NELL1: variants seen among roughly 807,000 people sequenced by gnomAD.
The protein encoded by NELL1 is neural EGFL like 1, also known as protein kinase C-binding protein NELL1.
NELL1 carries 76 observed loss-of-function variants against 107.4 expected under a neutral mutation model. The observed-to-expected ratio is 0.71, with a 90% CI of 0.59 to 0.86. The LOEUF (loss-of-function observed/expected upper bound fraction) is 0.86. Among genes scored for constraint, NELL1 ranks in the 40% least tolerant of loss-of-function variants. The probability of loss-of-function intolerance (pLI) is 0.00; values close to 1 mark genes in which losing one functional copy is unlikely to be tolerated. For missense variants in NELL1, 1,024 were observed against 1,005.5 expected (o/e 1.02, Z -0.25); for synonymous variants, 353 against 341.2 (o/e 1.03, Z -0.38).
chr11:21,381,107 T>G (rs149271375), intron 15 of NELL1, among the ~76,000 whole-genome samples: 2 of 152,164 alleles, frequency 1.3e-5, no homozygotes, highest in East Asian at 3.9e-4. Flanking sequence ...TACACTTTGC[T>G]TTATAATCTG....
At chr11:20,762,027 G>A (rs1476506074) in intron 2 of NELL1, among the ~76,000 whole-genome samples, 2 of 152,232 alleles carry the variant, frequency 1.3e-5, no homozygotes, top group Non-Finnish European at 2.9e-5. Flanking sequence ...ACCATCACAT[G>A]AGTGATTTTT....
intron 11 of NELL1, among the ~76,000 whole-genome samples, chr11:20,949,756 C>T (rs113027293): frequency 2.4e-4 from 37 of 152,116 alleles, no homozygotes; most frequent in African/African-American, 8.0e-4. Flanking sequence ...ACAAGGTTCC[C>T]GTTGCTAGCA....
intron 15 of NELL1, among the ~76,000 whole-genome samples, chr11:21,414,046 C>T (rs1197307494): frequency 6.6e-6 from 1 of 152,006 alleles, no homozygotes; most frequent in Non-Finnish European, 1.5e-5. Context: ...CACAAACTCA[C>T]CTAGAATTAA....
intron 14 of NELL1, chr11:21,284,689 A>G: frequency 8.2e-6 from 3 of 367,436 alleles, no homozygotes; most frequent in South Asian, 6.0e-5. Flanking sequence ...AACTATGTCT[A>G]TATGTATGCA....
chr11:20,701,050 T>C (rs2133880881), intron 2 of NELL1, among the ~76,000 whole-genome samples: 1 of 152,278 alleles, frequency 6.6e-6, no homozygotes, highest in East Asian at 1.9e-4. Flanking sequence ...GGTCAAATGG[T>C]ATTTCTAGTT....
chr11:20,802,729 G>A (rs1857304423), intron 3 of NELL1, among the ~76,000 whole-genome samples: 1 of 152,066 alleles, frequency 6.6e-6, no homozygotes, highest in African/African-American at 2.4e-5. Context: ...TTATTGTGTT[G>A]AGATAAATGT....
intron 3 of NELL1, among the ~76,000 whole-genome samples, chr11:20,818,180 G>A (rs544127409): frequency 8.3e-4 from 126 of 152,162 alleles, no homozygotes; most frequent in Middle Eastern, 6.8e-3. Flanking sequence ...ACTATCAGTG[G>A]AGTGAAGTCC....
At chr11:20,727,337 G>C (rs7110513) in intron 2 of NELL1, among the ~76,000 whole-genome samples, 20,009 of 152,124 alleles carry the variant, frequency 0.13, 1,423 homozygotes, top group Non-Finnish European at 0.15. Flanking sequence ...TTGCATTTCT[G>C]TGATTGCCAG....
At chr11:21,071,700 T>C (rs970549492) in intron 12 of NELL1, among the ~76,000 whole-genome samples, 3 of 152,154 alleles carry the variant, frequency 2.0e-5, no homozygotes, top group African/African-American at 7.2e-5. Context: ...GACTGTTGAG[T>C]GGCTCCTGGA....
chr11:21,540,774 C>T (rs1385295721), intron 16 of NELL1, among the ~76,000 whole-genome samples: 2 of 152,004 alleles, frequency 1.3e-5, no homozygotes, highest in African/African-American at 4.8e-5. Flanking sequence ...CCTACCAGGC[C>T]CCTCCTCCAA....
intron 4 of NELL1, among the ~76,000 whole-genome samples, chr11:20,871,294 G>A (rs1359365795): frequency 2.0e-5 from 3 of 152,158 alleles, no homozygotes; most frequent in Admixed American, 6.5e-5. Context: ...GGCAAAGAGG[G>A]GTGGAGAGTG....
In NELL1 at chr11:20,781,996, AT is replaced by A. The variant is rs1856860211; in HGVS notation, c.185-1683del. On this transcript the variant is annotated intron_variant, in intron 2 of 19. Transcript: ENST00000357134. ...GTGGAGGTTGCAGTGAGCCGAGATCATGCCACTGCACTTCAACCTGGTGACA... is the reference window on the plus strand; with the variant it reads ...GTGGAGGTTGCAGTGAGCCGAGATCAGCCACTGCACTTCAACCTGGTGACA... Among the ~76,000 whole-genome samples, 4 of 151,430 alleles carry A rather than the reference AT, an allele frequency of 2.6e-5. No homozygotes were observed. In the South Asian group the frequency reaches 8.4e-4, roughly 32 times the overall value.
chr11:21,049,319 T>A (rs549297647), intron 12 of NELL1, among the ~76,000 whole-genome samples: 36 of 152,316 alleles, frequency 2.4e-4, no homozygotes, highest in African/African-American at 8.4e-4. Flanking sequence ...AGCTAGGCCA[T>A]AAAGCCCCTG....
chr11:20,730,163 G>A (rs1454745741), intron 2 of NELL1, among the ~76,000 whole-genome samples: 2 of 152,156 alleles, frequency 1.3e-5, no homozygotes, highest in Non-Finnish European at 2.9e-5. Flanking sequence ...TTTGATTCCT[G>A]TCCTTTAAGA....
chr11:21,061,151 T>A (rs987190524), intron 12 of NELL1, among the ~76,000 whole-genome samples: 1 of 152,214 alleles, frequency 6.6e-6, no homozygotes, highest in African/African-American at 2.4e-5. Context: ...CAGATTTAAA[T>A]CCTGGGGATA....
At chr11:21,354,897 G>C (rs989124276) in intron 14 of NELL1, among the ~76,000 whole-genome samples, 1 of 152,136 alleles carries the variant, frequency 6.6e-6, no homozygotes, top group Non-Finnish European at 1.5e-5. Flanking sequence ...ATAAGCGTTG[G>C]CTCTGATATA....
In NELL1 at chr11:21,493,377, G is replaced by T. The variant is rs142178872; in HGVS notation, c.1646-40997G>T. Among the ~76,000 whole-genome samples, 752 of 152,194 alleles carry T rather than the reference G, an allele frequency of 4.9e-3. 3 individuals are homozygous for T. Among genetic ancestry groups the T allele is most frequent in the African/African-American group, 0.017 (721 of 41,552 alleles). On this transcript the variant is annotated intron_variant, in intron 15 of 19. Transcript: ENST00000357134. ...CAAATGAATAAAGTAAATGTGGCAT[G>T]TATACACTATGAAGTACTATTTCTC...
chr11:20,962,607 T>C (rs1045546008), intron 12 of NELL1, among the ~76,000 whole-genome samples: 9 of 152,220 alleles, frequency 5.9e-5, no homozygotes, highest in Non-Finnish European at 1.3e-4. Flanking sequence ...TTGATGTCAT[T>C]TTTTATTACA....
At chr11:21,405,079 C>T (rs1416589021) in intron 15 of NELL1, among the ~76,000 whole-genome samples, 1 of 152,006 alleles carries the variant, frequency 6.6e-6, no homozygotes, top group East Asian at 1.9e-4. Context: ...AGATTCCTAG[C>T]TTTATGATCT....
Sources: gnomAD v4.1 joint callset for allele counts (sites outside exome capture counted in the v4.1 genomes callset) on GRCh38, gnomAD v4.1.1 for gene constraint, MANE v1.5 for transcripts, NCBI Gene and HGNC (gene_info 2026-07-23, HGNC 2026-07-21) for gene names.